ITGAM: variants seen among roughly 807,000 people sequenced by gnomAD.
ITGAM encodes the protein integrin subunit alpha M.
In ITGAM, 79 loss-of-function variants were observed where a neutral mutation model predicts 137.5. The ratio of observed to expected loss-of-function variants is 0.57; its 90% CI spans 0.48 to 0.69. ITGAM has a LOEUF of 0.69. Among genes scored for constraint, ITGAM ranks in the 30% least tolerant of loss-of-function variants. The pLI is 0.00. For synonymous variants in ITGAM, 583 were observed against 592.3 expected, an observed-to-expected ratio of 0.98 and a Z score of 0.23; for missense variants, 1,343 against 1,483.5, an observed-to-expected ratio of 0.91 and a Z score of 1.56.
intron 9 of ITGAM, among the ~76,000 whole-genome samples, chr16:31,276,329 C>T (rs762049396): frequency 5.3e-5 from 8 of 151,900 alleles, no homozygotes; most frequent in Non-Finnish European, 8.8e-5. Flanking sequence ...GCTTTCTTTT[C>T]TTTTCTTTCT....
intron 12 of ITGAM, among the ~76,000 whole-genome samples, chr16:31,283,911 G>A (rs2079997987): frequency 1.3e-5 from 2 of 152,168 alleles, no homozygotes; most frequent in Non-Finnish European, 2.9e-5. Flanking sequence ...GTTTTGGTGT[G>A]GAAATCCTTT....
intron 2 of ITGAM, among the ~76,000 whole-genome samples, chr16:31,262,353 T>A (rs13337430): frequency 0.072 from 7,869 of 109,504 alleles, 374 homozygotes; most frequent in Middle Eastern, 0.12. Flanking sequence ...CCTTCCTTCC[T>A]TCCTTCCTTC....
chr16:31,278,050 G>A lies in ITGAM; in HGVS notation c.1297G>A (p.Ala433Thr), dbSNP rs376782461. Residue 433 changes from alanine to threonine, a missense_variant, in exon 12 of 30, where the codon GCG becomes ACG. Ala to Thr is a moderately conservative substitution (Grantham distance 58). Coordinates refer to ENST00000544665, the MANE Select transcript of ITGAM (RefSeq NM_000632.4). ...APRYQHIGLV[A>T]MFRQNTGMWE... ...TCGATATCAGCACATCGGCCTGGTA[G>A]CGATGTTCAGGCAGAACACTGGCAT... The A allele has an allele frequency of 1.2e-6, 2 of 1,608,142 alleles. No individual in the cohort carries two copies. Among genetic ancestry groups the A allele is most frequent in the African/African-American group, 1.3e-5 (1 of 74,818 alleles).
intron 14 of ITGAM, among the ~76,000 whole-genome samples, chr16:31,303,278 T>C (rs35466388): frequency 0.4 from 60,665 of 151,810 alleles, 16,394 homozygotes; most frequent in African/African-American, 0.77. Context: ...CCTCCTGCCT[T>C]GGCCTCTCAA....
chr16:31,309,569 T>A (rs1346088732), intron 14 of ITGAM, among the ~76,000 whole-genome samples: 2 of 151,964 alleles, frequency 1.3e-5, no homozygotes, highest in African/African-American at 4.8e-5. Flanking sequence ...ATGGGTTTCC[T>A]GAATACAGCA....
chr16:31,260,742 G>A (rs1014106154), intron 1 of ITGAM, among the ~76,000 whole-genome samples: 1 of 152,174 alleles, frequency 6.6e-6, no homozygotes, highest in Non-Finnish European at 1.5e-5. Context: ...GCCCCACGAC[G>A]GTGGTTCTTA....
chr16:31,320,362 T>C (rs549962308), intron 14 of ITGAM, among the ~76,000 whole-genome samples: 4 of 152,254 alleles, frequency 2.6e-5, no homozygotes, highest in Non-Finnish European at 5.9e-5. Flanking sequence ...ATAACTTTTA[T>C]ACCATAATTA....
chr16:31,323,629 T>C (rs1372744426), intron 16 of ITGAM, among the ~76,000 whole-genome samples: 1 of 152,242 alleles, frequency 6.6e-6, no homozygotes, highest in Non-Finnish European at 1.5e-5. Context: ...TACCATTTAT[T>C]GAGCACTTAT....
Position 31,265,381 on chromosome 16 carries a change from A to C in ITGAM, c.135-14A>C, listed in dbSNP as rs779488101. The C allele has an allele frequency of 9.2e-6, 14 of 1,525,370 alleles. No individual in the cohort carries two copies. Among genetic ancestry groups the C allele is most frequent in the Non-Finnish European group, 1.2e-5 (14 of 1,121,600 alleles). 94.5% of individuals were successfully genotyped at this position (1,525,370 alleles called of 1,614,324 possible). ...ACATGTCGAAGTTTTCTCTGTTCCC[A>C]CTTCTCCCCACAGGGTGGTGGTTGG... On this transcript the variant is annotated splice_polypyrimidine_tract_variant and intron_variant, in intron 2 of 29. Transcript: ENST00000544665.
chr16:31,266,672 T>C (rs2079772043), intron 5 of ITGAM, among the ~76,000 whole-genome samples: 1 of 151,920 alleles, frequency 6.6e-6, no homozygotes, highest in African/African-American at 2.4e-5. Flanking sequence ...ATTGCACCAC[T>C]GTACTCCAAC....
chr16:31,320,777 T>A (rs956381226), intron 14 of ITGAM, among the ~76,000 whole-genome samples: 6 of 152,212 alleles, frequency 3.9e-5, no homozygotes, highest in Admixed American at 6.5e-5. Context: ...TTTGTTTAGA[T>A]CAACATTCAG....
At chr16:31,269,849 G>A (rs72785590) in intron 5 of ITGAM, among the ~76,000 whole-genome samples, 7,547 of 152,204 alleles carry the variant, frequency 0.05, 398 homozygotes, top group Admixed American at 0.14. Context: ...GAGAACACCC[G>A]GACCTCACTG....
chr16:31,269,082 G>A (rs557977287), intron 5 of ITGAM, among the ~76,000 whole-genome samples: 2 of 152,252 alleles, frequency 1.3e-5, no homozygotes, highest in African/African-American at 4.8e-5. Flanking sequence ...GGTAGGTCGC[G>A]GGGGAAGCCA....
chr16:31,260,085 GT>G lies in ITGAM; in HGVS notation c.23del (p.Leu8Ter). 1 of 765,620 alleles carries G rather than the reference GT, an allele frequency of 1.3e-6. No homozygotes were observed. Among genetic ancestry groups the G allele is most frequent in the Admixed American group, 2.2e-5 (1 of 44,990 alleles). The allele number at this position is 765,620 out of a possible 1,614,324, so 47.4% of individuals were successfully genotyped here. A position where few individuals can be genotyped will look rare whatever the true frequency, so the allele number is the denominator to read the frequency against. On this transcript the variant is annotated frameshift_variant, in exon 1 of 30. Coordinates refer to ENST00000544665, the MANE Select transcript of ITGAM (RefSeq NM_000632.4). LOFTEE classifies it high-confidence loss of function. MALRVLL[L>X]TALTLCHGFN... ...CAGCCATGGCTCTCAGAGTCCTTCT[GT>G]TAACAGGTGCATGGGGGTGGGGTGG...
intron 5 of ITGAM, 76 bp downstream of exon 5, chr16:31,266,223 C>T (rs2079766227): frequency 9.8e-7 from 1 of 1,018,678 alleles, no homozygotes; most frequent in Non-Finnish European, 1.5e-6. Context: ...GTGACGTCTG[C>T]TCAAGGTCTG....
intron 14 of ITGAM, among the ~76,000 whole-genome samples, chr16:31,314,613 T>C (rs1228407186): frequency 1.3e-5 from 2 of 152,108 alleles, no homozygotes; most frequent in African/African-American, 2.4e-5. Context: ...ATCAGTACCA[T>C]GCTGTTTTGG....
At chr16:31,277,135 A>G in intron 11 of ITGAM, 86 bp downstream of exon 11, 4 of 1,180,926 alleles carry the variant, frequency 3.4e-6, no homozygotes, top group Non-Finnish European at 4.8e-6. Flanking sequence ...TCTTGAATGA[A>G]TGGGATACAT....
At chr16:31,271,600 G>A (rs186844892) in intron 6 of ITGAM, among the ~76,000 whole-genome samples, 3 of 152,162 alleles carry the variant, frequency 2.0e-5, no homozygotes, top group Non-Finnish European at 4.4e-5. Context: ...TGATCCACCC[G>A]CCTCGGCTTC....
At chr16:31,311,380 A>G (rs964136319) in intron 14 of ITGAM, among the ~76,000 whole-genome samples, 1 of 152,188 alleles carries the variant, frequency 6.6e-6, no homozygotes, top group Non-Finnish European at 1.5e-5. Flanking sequence ...TTTGCAACCT[A>G]CTCATCTGAC....
Sources: allele counts gnomAD v4.1 joint callset (sites outside exome capture counted in the v4.1 genomes callset), GRCh38; gene constraint gnomAD v4.1.1; transcripts MANE v1.5; gene names NCBI Gene and HGNC (gene_info 2026-07-23, HGNC 2026-07-21).